UMAD1: variants seen among roughly 807,000 people sequenced by gnomAD.
UMAD1 encodes the protein UBAP1-MVB12-associated (UMA) domain containing 1, also known as UBAP1-MVB12-associated (UMA)-domain containing protein 1.
UMAD1 carries 8 observed loss-of-function variants against 6.1 expected under a neutral mutation model. The ratio of observed to expected loss-of-function variants is 1.30; its 90% CI spans 0.76 to 2.35. The LOEUF is 2.35. Ranked by LOEUF, UMAD1 falls within the 30% of genes most tolerant of loss-of-function variation. UMAD1 has a pLI of 0.00. For synonymous variants in UMAD1, 56 were observed against 31.4 expected, an observed-to-expected ratio of 1.78 and a Z score of -2.61; for missense variants, 130 against 78.4, an observed-to-expected ratio of 1.66 and a Z score of -2.49.
At chr7:7,797,711 C>T (rs1172428996) in intron 2 of UMAD1, among the ~76,000 whole-genome samples, 7 of 146,804 alleles carry the variant, frequency 4.8e-5, no homozygotes, top group Admixed American at 2.7e-4. Flanking sequence ...TTTTTTGAGA[C>T]GAGGTCTCAC....
At chr7:7,844,405 G>T (rs1783744996) in intron 3 of UMAD1, among the ~76,000 whole-genome samples, 1 of 152,058 alleles carries the variant, frequency 6.6e-6, no homozygotes, top group Non-Finnish European at 1.5e-5. Flanking sequence ...TTGTTTTAAA[G>T]TGTCCTACCT....
At chr7:7,787,238 TA>T (rs1242937620) in intron 2 of UMAD1, among the ~76,000 whole-genome samples, 1 of 152,092 alleles carries the variant, frequency 6.6e-6, no homozygotes, top group Non-Finnish European at 1.5e-5. Flanking sequence ...AATACAGGTT[TA>T]AAGTATATAA....
At chr7:7,793,929 G>C (rs1782617879) in intron 2 of UMAD1, among the ~76,000 whole-genome samples, 1 of 152,186 alleles carries the variant, frequency 6.6e-6, no homozygotes, top group Non-Finnish European at 1.5e-5. Context: ...TGGCTCCACA[G>C]TCAAATACAC....
intron 3 of UMAD1, among the ~76,000 whole-genome samples, chr7:7,832,884 G>A (rs770923875): frequency 1.3e-5 from 2 of 152,156 alleles, no homozygotes; most frequent in Non-Finnish European, 2.9e-5. Context: ...CTTCGTAGTT[G>A]CATTTGAGAT....
intron 2 of UMAD1, among the ~76,000 whole-genome samples, chr7:7,677,551 C>G (rs1001820931): frequency 1.3e-5 from 2 of 151,792 alleles, no homozygotes; most frequent in African/African-American, 4.8e-5. Flanking sequence ...ATGATCTCCT[C>G]TAGTACCATC....
At chr7:7,784,342 T>G (rs925340378) in intron 2 of UMAD1, among the ~76,000 whole-genome samples, 2 of 150,884 alleles carry the variant, frequency 1.3e-5, no homozygotes, top group African/African-American at 4.9e-5. Flanking sequence ...TCTCTGTTTT[T>G]TTTTTTTTTT....
At chr7:7,777,485 G>T (rs1782234880) in intron 2 of UMAD1, among the ~76,000 whole-genome samples, 1 of 132,002 alleles carries the variant, frequency 7.6e-6, no homozygotes, top group Non-Finnish European at 1.6e-5. Flanking sequence ...CAGCCTGGGA[G>T]ACAGTGTGAG....
intron 1 of UMAD1, among the ~76,000 whole-genome samples, chr7:7,667,079 G>C (rs896952975): frequency 6.6e-6 from 1 of 152,214 alleles, no homozygotes; most frequent in Non-Finnish European, 1.5e-5. Flanking sequence ...AAAGTGCTGG[G>C]ATTACAGGCG....
chr7:7,679,758 A>G (rs1015917951), intron 2 of UMAD1, among the ~76,000 whole-genome samples: 2 of 148,160 alleles, frequency 1.3e-5, no homozygotes, highest in African/African-American at 2.5e-5. Flanking sequence ...AGAGGCAATA[A>G]CTCACTATGT....
At chr7:7,836,115 C>T (rs1783563357) in intron 3 of UMAD1, among the ~76,000 whole-genome samples, 1 of 151,944 alleles carries the variant, frequency 6.6e-6, no homozygotes, top group African/African-American at 2.4e-5. Context: ...AATAGGTTTT[C>T]TTAGCTACAA....
At chr7:7,753,541 T>C (rs930041952) in intron 2 of UMAD1, among the ~76,000 whole-genome samples, 8 of 152,242 alleles carry the variant, frequency 5.3e-5, no homozygotes, top group Admixed American at 5.2e-4. Context: ...TTTCTATGCC[T>C]GGCTTATTTC....
chr7:7,690,162 A>G (rs577103029), intron 2 of UMAD1, among the ~76,000 whole-genome samples: 38 of 152,312 alleles, frequency 2.5e-4, no homozygotes, highest in African/African-American at 6.3e-4. Flanking sequence ...TAAGTCAGCA[A>G]TTCTGCTGAT....
chr7:7,869,202 T>C (rs1784290836), intron 3 of UMAD1, among the ~76,000 whole-genome samples: 1 of 152,194 alleles, frequency 6.6e-6, no homozygotes, highest in Non-Finnish European at 1.5e-5. Context: ...CCCCTGATGC[T>C]TCTAACTCAG....
intron 1 of UMAD1, among the ~76,000 whole-genome samples, chr7:7,660,080 T>G (rs778880181): frequency 1.3e-5 from 2 of 152,200 alleles, no homozygotes; most frequent in Non-Finnish European, 2.9e-5. Context: ...CTTTTGATCT[T>G]TGTTGGTTTA....
intron 2 of UMAD1, among the ~76,000 whole-genome samples, chr7:7,750,163 T>G (rs199794595): frequency 1.3e-5 from 2 of 152,178 alleles, no homozygotes; most frequent in East Asian, 3.8e-4. Context: ...TCTTTATATA[T>G]GTCTTATATA....
intron 3 of UMAD1, among the ~76,000 whole-genome samples, chr7:7,864,137 G>A (rs777489981): frequency 2.6e-5 from 4 of 152,070 alleles, no homozygotes; most frequent in South Asian, 2.1e-4. Context: ...TGACATCCTC[G>A]ATAGGTTCTT....
intron 2 of UMAD1, among the ~76,000 whole-genome samples, chr7:7,779,573 C>T (rs1168484680): frequency 2.0e-5 from 3 of 152,204 alleles, no homozygotes. Context: ...ACTGAAATTA[C>T]AGGCATGAGC....
intron 3 of UMAD1, among the ~76,000 whole-genome samples, chr7:7,861,003 G>T (rs1314660655): frequency 6.6e-6 from 1 of 152,006 alleles, no homozygotes; most frequent in Non-Finnish European, 1.5e-5. Context: ...AGACACAAAA[G>T]GATATACATT....
intron 3 of UMAD1, among the ~76,000 whole-genome samples, chr7:7,818,710 A>G (rs1030461998): frequency 6.6e-6 from 1 of 152,214 alleles, no homozygotes; most frequent in Non-Finnish European, 1.5e-5. Context: ...ACACGTGCAC[A>G]CTTATGTTCA....
Sources: allele counts gnomAD v4.1 joint callset (sites outside exome capture counted in the v4.1 genomes callset), GRCh38; gene constraint gnomAD v4.1.1; transcripts MANE v1.5; gene names NCBI Gene and HGNC (gene_info 2026-07-23, HGNC 2026-07-21).